The following DOCK4 variants were observed in gnomAD, a reference collection of about 807,000 sequenced individuals.
The protein encoded by DOCK4 is dedicator of cytokinesis protein 4.
In DOCK4, 97 loss-of-function variants were observed where a neutral mutation model predicts 268.1. That is an observed-to-expected ratio of 0.36 (90% CI 0.31 to 0.43). The LOEUF (loss-of-function observed/expected upper bound fraction) is 0.43. Ranked by LOEUF, DOCK4 falls within the 20% of genes least tolerant of loss-of-function variation. The pLI is 1.00. For missense variants in DOCK4, 2,145 were observed against 2,455.7 expected, an observed-to-expected ratio of 0.87 and a Z score of 2.67; for synonymous variants, 954 against 887.2, an observed-to-expected ratio of 1.08 and a Z score of -1.34.
At chr7:111,823,979 CAAG>C (rs1461368298) in intron 26 of DOCK4, among the ~76,000 whole-genome samples, 1 of 152,096 alleles carries the variant, frequency 6.6e-6, no homozygotes, top group African/African-American at 2.4e-5. Flanking sequence ...AATATTTTGA[CAAG>C]AACTTATTTT....
chr7:111,778,477 A>C, intron 35 of DOCK4, 108 bp from the exon 36 acceptor site: 1 of 566,378 alleles, frequency 1.8e-6, no homozygotes, highest in Non-Finnish European at 3.0e-6. Context: ...GAACGGATTC[A>C]TTTTTCCATG....
At chr7:112,012,735 A>T (rs1244521634) in intron 1 of DOCK4, among the ~76,000 whole-genome samples, 5 of 152,220 alleles carry the variant, frequency 3.3e-5, no homozygotes, top group Non-Finnish European at 7.3e-5. Flanking sequence ...TAAGATTAAG[A>T]ACTAAGATTA....
intron 12 of DOCK4, among the ~76,000 whole-genome samples, chr7:111,931,789 A>G (rs906033504): frequency 6.6e-6 from 1 of 152,234 alleles, no homozygotes; most frequent in African/African-American, 2.4e-5. Flanking sequence ...GTAAACAATA[A>G]TAATAGCTAA....
intron 13 of DOCK4, among the ~76,000 whole-genome samples, chr7:111,906,541 C>T (rs1313428011): frequency 6.6e-6 from 1 of 152,104 alleles, no homozygotes; most frequent in Non-Finnish European, 1.5e-5. Flanking sequence ...GGCTGGGTGG[C>T]CCCTCATGTG....
At chr7:112,078,661 G>A (rs1333438967) in intron 1 of DOCK4, among the ~76,000 whole-genome samples, 1 of 152,102 alleles carries the variant, frequency 6.6e-6, no homozygotes, top group Non-Finnish European at 1.5e-5. Flanking sequence ...ACATGCTGAT[G>A]TCAATCCCTT....
intron 1 of DOCK4, among the ~76,000 whole-genome samples, chr7:112,127,213 T>A (rs1344882188): frequency 1.3e-5 from 2 of 151,718 alleles, no homozygotes; most frequent in African/African-American, 4.8e-5. Flanking sequence ...ATATACACCA[T>A]GGAATACTAT....
chr7:112,093,876 AG>A (rs910494832), intron 1 of DOCK4, among the ~76,000 whole-genome samples: 6 of 131,952 alleles, frequency 4.5e-5, no homozygotes, highest in Admixed American at 1.5e-4. Flanking sequence ...CTGACATATA[AG>A]GAAAAAAAAA....
chr7:111,741,154 A>G lies in DOCK4; in HGVS notation c.4980T>C (p.Ser1660=). 1 of 1,614,028 alleles carries G rather than the reference A, an allele frequency of 6.2e-7. No individual in the cohort carries two copies. The highest frequency in any genetic ancestry group is 8.5e-7 in the Non-Finnish European group (1 of 1,179,892). ...GCCCTGTAATATTGCTTACTTCAGC[A>G]GAAGCTTGTGAGGACAGTGAGGAGG... ...YSSSSLSSQA[S]AEVSNITGQS... The change falls in exon 47 of 53, where the codon TCT becomes TCC. Residue 1660 remains serine, a synonymous_variant. Coordinates refer to ENST00000428084, the MANE Select transcript of DOCK4 (RefSeq NM_001363540.2).
intron 1 of DOCK4, among the ~76,000 whole-genome samples, chr7:112,042,766 G>T (rs898461429): frequency 3.3e-5 from 5 of 152,216 alleles, no homozygotes; most frequent in African/African-American, 1.2e-4. Flanking sequence ...TGAAACTCAT[G>T]TTGAAATGTG....
intron 12 of DOCK4, among the ~76,000 whole-genome samples, chr7:111,933,006 G>A (rs1403751778): frequency 6.6e-6 from 1 of 151,270 alleles, no homozygotes; most frequent in African/African-American, 2.4e-5. Context: ...ATCTTACTGA[G>A]GGGGTATTGA....
chr7:112,022,257 C>T (rs1802387441), intron 1 of DOCK4, among the ~76,000 whole-genome samples: 2 of 152,174 alleles, frequency 1.3e-5, no homozygotes, highest in African/African-American at 2.4e-5. Flanking sequence ...CAGAAGTATC[C>T]ACAAATATAG....
chr7:112,023,503 G>A, intron 1 of DOCK4: 1 of 343,878 alleles, frequency 2.9e-6, no homozygotes, highest in Non-Finnish European at 5.7e-6. Context: ...TTCTCACGGA[G>A]CAAAAGCTCA....
intron 1 of DOCK4, among the ~76,000 whole-genome samples, chr7:112,144,730 A>G (rs899427983): frequency 6.6e-6 from 1 of 152,178 alleles, no homozygotes; most frequent in East Asian, 1.9e-4. Flanking sequence ...AGTTTTTGCA[A>G]ACATCTTTCT....
At chr7:112,014,415 C>G (rs557222697) in intron 1 of DOCK4, among the ~76,000 whole-genome samples, 1 of 152,286 alleles carries the variant, frequency 6.6e-6, no homozygotes, top group African/African-American at 2.4e-5. Context: ...AAATGAGGAT[C>G]TCTTAATTGT....
intron 13 of DOCK4, among the ~76,000 whole-genome samples, chr7:111,902,604 C>T (rs762471612): frequency 1.1e-4 from 17 of 151,830 alleles, no homozygotes; most frequent in South Asian, 2.1e-4. Flanking sequence ...ATTAAACTAG[C>T]GGGAAATAAT....
intron 6 of DOCK4, among the ~76,000 whole-genome samples, chr7:111,984,736 A>G (rs1432635307): frequency 6.6e-6 from 1 of 152,200 alleles, no homozygotes; most frequent in Non-Finnish European, 1.5e-5. Context: ...GTGAATGGAA[A>G]CTAGAGCTAG....
intron 1 of DOCK4, among the ~76,000 whole-genome samples, chr7:112,066,659 TTATACATATACATATACATATATACA>T (rs1423360211): frequency 5.7e-5 from 4 of 70,172 alleles, no homozygotes; most frequent in African/African-American, 8.4e-5. Flanking sequence ...TATACACATA[TTATACATATACATATACATATATACA>T]TATACATATA....
intron 36 of DOCK4, 35 bp downstream of exon 36, chr7:111,778,241 C>T: frequency 1.4e-6 from 2 of 1,434,158 alleles, no homozygotes; most frequent in Non-Finnish European, 9.8e-7. Flanking sequence ...AATACATCAG[C>T]TCCCTTCCCA....
intron 26 of DOCK4, among the ~76,000 whole-genome samples, chr7:111,826,349 C>T (rs1470808310): frequency 3.3e-5 from 5 of 152,138 alleles, no homozygotes; most frequent in African/African-American, 1.2e-4. Flanking sequence ...GGAGTCTGGA[C>T]ATTTATCCTG....
Sources: allele counts gnomAD v4.1 joint callset (sites outside exome capture counted in the v4.1 genomes callset), GRCh38; gene constraint gnomAD v4.1.1; transcripts MANE v1.5; gene names NCBI Gene and HGNC (gene_info 2026-07-23, HGNC 2026-07-21).